Variants in SLC39A9 observed in about 807,000 individuals in gnomAD.
SLC39A9 encodes the protein solute carrier family 39 member 9, also known as zinc transporter ZIP9.
A neutral mutation model predicts 28.4 loss-of-function variants in SLC39A9; 14 were observed. The observed-to-expected ratio is 0.49, with a 90% CI of 0.33 to 0.77. The LOEUF (loss-of-function observed/expected upper bound fraction) is 0.77. Among genes scored for constraint, SLC39A9 ranks in the 30% least tolerant of loss-of-function variants. The pLI is 0.02. For synonymous variants in SLC39A9, 119 were observed against 149.6 expected (o/e 0.80, Z 1.49); for missense variants, 283 against 381.1 (o/e 0.74, Z 2.14).
chr14:69,450,125 G>A (rs1266485703), intron 3 of SLC39A9, among the ~76,000 whole-genome samples: 1 of 151,994 alleles, frequency 6.6e-6, no homozygotes, highest in Non-Finnish European at 1.5e-5. Context: ...GGAGACAGAG[G>A]TTTCAGTGAG....
chr14:69,431,436 G>T, intron 2 of SLC39A9, among the ~76,000 whole-genome samples: 1 of 146,574 alleles, frequency 6.8e-6, no homozygotes. Context: ...TTATTGCATT[G>T]ACTAGACTAT....
rs1359993937 is a variant in SLC39A9 at position 69,454,824 on chromosome 14, C to T, written c.485C>T (p.Ala162Val). ...TTTCCAAATATAGCTGATGGTGTTG[C>T]TTTGGGAGCAGCAGCATCTACTTCA... is the stretch of plus-strand genomic sequence containing the variant. ...LVVHAAADGV[A>V]LGAAASTSQT... is the part of the protein sequence containing the mutation. Residue 162 changes from alanine to valine, a missense_variant, in exon 5 of 7, where the codon GCT becomes GTT. Ala to Val is a moderately conservative substitution (Grantham distance 64). Coordinates refer to ENST00000336643, the MANE Select transcript of SLC39A9 (RefSeq NM_018375.5). The T allele has an allele frequency of 6.2e-7, 1 of 1,613,806 alleles. No individual in the cohort carries two copies. Among genetic ancestry groups the T allele is most frequent in the East Asian group, 2.2e-5 (1 of 44,854 alleles).
chr14:69,433,489 A>G (rs1393182501), intron 2 of SLC39A9, among the ~76,000 whole-genome samples: 1 of 152,146 alleles, frequency 6.6e-6, no homozygotes, highest in African/African-American at 2.4e-5. Context: ...ATCCTAGAAG[A>G]GAATATATAA....
At chr14:69,425,904 A>T (rs558467461) in intron 2 of SLC39A9, among the ~76,000 whole-genome samples, 1 of 152,062 alleles carries the variant, frequency 6.6e-6, no homozygotes, top group East Asian at 1.9e-4. Flanking sequence ...GACTCAAGCG[A>T]TCCTCCCAAG....
intron 3 of SLC39A9, among the ~76,000 whole-genome samples, chr14:69,449,210 A>G (rs1364874181): frequency 6.6e-6 from 1 of 152,170 alleles, no homozygotes; most frequent in African/African-American, 2.4e-5. Flanking sequence ...AAATGGTTTT[A>G]TTGTGCCTTA....
Position 69,399,414 on chromosome 14 carries a change from G to A in SLC39A9, c.45G>A (p.Leu15=), listed in dbSNP as rs549836990. 6.2e-7 allele frequency: 1 copy of A among 1,614,104 alleles called. No individual in the cohort carries two copies. The highest frequency in any genetic ancestry group is 1.7e-5 in the Admixed American group (1 of 60,018). The change falls in exon 1 of 7, where the codon TTG becomes TTA. Residue 15 remains leucine (L), a synonymous_variant. Coordinates refer to ENST00000336643, the MANE Select transcript of SLC39A9 (RefSeq NM_018375.5). ...TTAGCCTGCTGTCTCTGGCTATGTT[G>A]GTGGGATGTTACGTGGCCGGAATCA... ...ISISLLSLAM[L]VGCYVAGIIP... is the part of the protein sequence containing the mutation.
intron 2 of SLC39A9, among the ~76,000 whole-genome samples, chr14:69,430,422 A>G (rs1884428106): frequency 6.6e-6 from 1 of 151,840 alleles, no homozygotes; most frequent in Non-Finnish European, 1.5e-5. Context: ...CTATTTTTTG[A>G]AAAAAAATCC....
At chr14:69,435,386 C>T (rs1434158601) in intron 2 of SLC39A9, among the ~76,000 whole-genome samples, 1 of 152,162 alleles carries the variant, frequency 6.6e-6, no homozygotes, top group African/African-American at 2.4e-5. Context: ...ATCAGTGTTT[C>T]CATGGTTATA....
rs149528490 is a variant in SLC39A9 at position 69,433,190 on chromosome 14, T to A, written c.206-8879T>A. Among the ~76,000 whole-genome samples the A allele has an allele frequency of 3.9e-5, 6 of 152,320 alleles. No individual in the cohort carries two copies. The East Asian group carries it at 7.7e-4, about 20-fold the overall frequency. On this transcript the variant is annotated intron_variant, in intron 2 of 6. Coordinates refer to ENST00000336643, the MANE Select transcript of SLC39A9 (RefSeq NM_018375.5). Reference sequence around the variant, plus strand: ...GTGTGCTGAGAGTGTTTATCTTGAATGGTTGTTGAATTTCATCAGGTGCTT... The same window carrying A: ...GTGTGCTGAGAGTGTTTATCTTGAAAGGTTGTTGAATTTCATCAGGTGCTT...
At chr14:69,450,050 C>T (rs765252475) in intron 3 of SLC39A9, among the ~76,000 whole-genome samples, 12 of 151,974 alleles carry the variant, frequency 7.9e-5, no homozygotes, top group Non-Finnish European at 1.5e-4. Context: ...TAGCTGGGCG[C>T]AGTGGCGGGC....
chr14:69,422,483 A>G (rs1211567517), intron 1 of SLC39A9, among the ~76,000 whole-genome samples: 1 of 152,052 alleles, frequency 6.6e-6, no homozygotes, highest in Non-Finnish European at 1.5e-5. Context: ...TGATTATAGC[A>G]CACTATAGCC....
chr14:69,398,711 G>T lies in SLC39A9; in HGVS notation c.-659G>T. 4.4e-6 allele frequency: 1 copy of T among 227,998 alleles called. No homozygotes were observed. The highest frequency in any genetic ancestry group is 4.8e-5 in the South Asian group (1 of 20,896). 14.1% of individuals were successfully genotyped at this position (227,998 alleles called of 1,614,324 possible). On this transcript the variant is annotated 5_prime_UTR_variant, in exon 1 of 7. Transcript: ENST00000336643. ...TGGAATGAAGAGATGCCACTTGGCG[G>T]CCATGGCAGCTGTAGTATCGGCGAC...
At chr14:69,425,414 A>G (rs565216505) in intron 2 of SLC39A9, among the ~76,000 whole-genome samples, 1 of 152,234 alleles carries the variant, frequency 6.6e-6, no homozygotes, top group African/African-American at 2.4e-5. Context: ...GTTGTTTTCT[A>G]AAGTTGTCTG....
chr14:69,447,556 G>A (rs1885390198), intron 3 of SLC39A9, among the ~76,000 whole-genome samples: 1 of 152,060 alleles, frequency 6.6e-6, no homozygotes, highest in Non-Finnish European at 1.5e-5. Context: ...GAACTGCCTC[G>A]GTCTCCAGCT....
intron 3 of SLC39A9, among the ~76,000 whole-genome samples, chr14:69,445,635 A>G (rs1413120818): frequency 2.0e-5 from 3 of 152,190 alleles, no homozygotes; most frequent in Non-Finnish European, 2.9e-5. Flanking sequence ...GCAGTGGTCA[A>G]GTGTATCTAC....
chr14:69,426,308 A>G (rs75954949), intron 2 of SLC39A9, among the ~76,000 whole-genome samples: 6,300 of 152,054 alleles, frequency 0.041, 181 homozygotes, highest in Admixed American at 0.064. Context: ...GGTTCCCACA[A>G]CCCCCTCTTT....
At chr14:69,406,744 A>G (rs1418780344) in intron 1 of SLC39A9, among the ~76,000 whole-genome samples, 1 of 151,764 alleles carries the variant, frequency 6.6e-6, no homozygotes, top group East Asian at 1.9e-4. Context: ...CTTAAAACCT[A>G]TAATGAAATT....
intron 2 of SLC39A9, among the ~76,000 whole-genome samples, chr14:69,425,540 G>A (rs548323780): frequency 7.2e-5 from 11 of 152,248 alleles, no homozygotes; most frequent in Non-Finnish European, 1.0e-4. Context: ...TATGAAACAA[G>A]TTTCAGAAAC....
At chr14:69,451,656 A>G (rs1157824779) in intron 3 of SLC39A9, among the ~76,000 whole-genome samples, 1 of 152,238 alleles carries the variant, frequency 6.6e-6, no homozygotes, top group Admixed American at 6.5e-5. Flanking sequence ...GACTGCCTGC[A>G]TAGATCACTA....
Sources: allele counts gnomAD v4.1 joint callset (sites outside exome capture counted in the v4.1 genomes callset), GRCh38; gene constraint gnomAD v4.1.1; transcripts MANE v1.5; gene names NCBI Gene and HGNC (gene_info 2026-07-23, HGNC 2026-07-21).